The following SLC25A38 variants were observed in gnomAD, a reference collection of about 807,000 sequenced individuals.
The protein encoded by SLC25A38 is mitochondrial glycine transporter.
In SLC25A38, 27 loss-of-function variants were observed where a neutral mutation model predicts 33.4. The observed-to-expected ratio is 0.81, with a 90% CI of 0.60 to 1.11. The LOEUF (loss-of-function observed/expected upper bound fraction) is 1.11, where lower values mean the gene tolerates loss of function less well. SLC25A38 is among the 50% of genes most tolerant of loss of function. The pLI is 0.00. For missense variants in SLC25A38, 344 were observed against 388.8 expected, an observed-to-expected ratio of 0.88 and a Z score of 0.97; for synonymous variants, 123 against 145.9, an observed-to-expected ratio of 0.84 and a Z score of 1.13.
chr3:39,388,112 G>A (rs906383357), intron 1 of SLC25A38, among the ~76,000 whole-genome samples: 1 of 152,154 alleles, frequency 6.6e-6, no homozygotes, highest in Non-Finnish European at 1.5e-5. Flanking sequence ...AAGAAGGGGG[G>A]CTCATTAATG....
chr3:39,386,825 A>T (rs1378662537), intron 1 of SLC25A38, among the ~76,000 whole-genome samples: 1 of 152,200 alleles, frequency 6.6e-6, no homozygotes, highest in Non-Finnish European at 1.5e-5. Context: ...CATGGCATTC[A>T]CTGGGATGGG....
intron 2 of SLC25A38, 143 bp from the exon 3 acceptor site, chr3:39,390,280 A>C: frequency 3.6e-6 from 3 of 830,590 alleles, no homozygotes; most frequent in Non-Finnish European, 4.1e-6. Context: ...ACGAACACAT[A>C]GAGTATCTCC....
chr3:39,384,565 A>C, intron 1 of SLC25A38: 1 of 389,890 alleles, frequency 2.6e-6, no homozygotes, highest in East Asian at 3.7e-5. Flanking sequence ...CTTTACGTTG[A>C]CGTCTTTGAA....
In SLC25A38 at chr3:39,389,726, C is replaced by G; in HGVS notation, c.191+110C>G. ...TCTGTTGGATGTTCAGAGAGAAACACAGGCCATGCCCAACTTTCATATGTT... is the reference window on the plus strand; with the variant it reads ...TCTGTTGGATGTTCAGAGAGAAACAGAGGCCATGCCCAACTTTCATATGTT... On this transcript the variant is annotated intron_variant, in intron 2 of 6. Transcript: ENST00000650617. The surrounding 1 kb of genome is among the most constrained non-coding windows in gnomAD (Gnocchi z 4.5). 6.5e-7 allele frequency: 1 copy of G among 1,548,120 alleles called. No individual in the cohort carries two copies.
At chr3:39,390,566 C>G in intron 3 of SLC25A38, 59 bp downstream of exon 3, 1 of 1,518,698 alleles carries the variant, frequency 6.6e-7, no homozygotes, top group Non-Finnish European at 9.1e-7. Flanking sequence ...CCAGCTATTT[C>G]TCATCTACCT....
intron 1 of SLC25A38, chr3:39,384,619 A>G (rs1421306164): frequency 7.5e-6 from 3 of 397,718 alleles, no homozygotes; most frequent in Non-Finnish European, 1.3e-5. Flanking sequence ...TCGCCTCCAG[A>G]TGTGAATTGG....
chr3:39,396,730 C>A lies in SLC25A38; in HGVS notation c.*210C>A. On this transcript the variant is annotated 3_prime_UTR_variant, in exon 7 of 7. Coordinates refer to ENST00000650617, the MANE Select transcript of SLC25A38 (RefSeq NM_017875.4). ...ATCTCCAAAAGAGGAGTCATCAATT[C>A]ATAGAGCACACTAGGGTGTTAGGAG... The A allele has an allele frequency of 1.4e-6, 1 of 721,362 alleles. No individual in the cohort carries two copies. Among genetic ancestry groups the A allele is most frequent in the Non-Finnish European group, 2.3e-6 (1 of 429,232 alleles). 44.7% of individuals were successfully genotyped at this position (721,362 alleles called of 1,614,324 possible). A position where few individuals can be genotyped will look rare whatever the true frequency, so the allele number is the denominator to read the frequency against.
At position 39,389,315 on chromosome 3, in the gene SLC25A38, A is replaced by G; in HGVS notation, c.70-180A>G. ...CTTGCAGCATCCAATGTCCTCAATAACATTGCAGTATTTTTAATTTCTGGC... is the reference window on the plus strand; with the variant it reads ...CTTGCAGCATCCAATGTCCTCAATAGCATTGCAGTATTTTTAATTTCTGGC... On this transcript the variant is annotated intron_variant, in intron 1 of 6. Transcript: ENST00000650617. The surrounding 1 kb of genome is among the most constrained non-coding windows in gnomAD (Gnocchi z 4.5). 1.1e-6 allele frequency: 1 copy of G among 916,192 alleles called. No homozygotes were observed. Among genetic ancestry groups the G allele is most frequent in the Non-Finnish European group, 1.7e-6 (1 of 574,860 alleles). The allele number at this position is 916,192 out of a possible 1,614,324, so 56.8% of individuals were successfully genotyped here.
Position 39,396,798 on chromosome 3 carries a change from C to T in SLC25A38, c.*278C>T, listed in dbSNP as rs2041835809. The T allele has an allele frequency of 6.5e-6, 3 of 461,248 alleles. No individual in the cohort carries two copies. Among genetic ancestry groups the T allele is most frequent in the Non-Finnish European group, 1.2e-5 (3 of 251,436 alleles). 28.6% of individuals were successfully genotyped at this position (461,248 alleles called of 1,614,324 possible). A position where few individuals can be genotyped will look rare whatever the true frequency, so the allele number is the denominator to read the frequency against. ...GAGAGGCTACTTGGAAAGGCATTTT[C>T]CCAGGAGAGCTCTGTCAGGTGGCTG... is the stretch of plus-strand genomic sequence containing the variant. On this transcript the variant is annotated 3_prime_UTR_variant, in exon 7 of 7. Coordinates refer to ENST00000650617, the MANE Select transcript of SLC25A38 (RefSeq NM_017875.4).
intron 5 of SLC25A38, among the ~76,000 whole-genome samples, chr3:39,393,962 G>C (rs1039326453): frequency 3.3e-5 from 5 of 152,168 alleles, no homozygotes; most frequent in Admixed American, 1.3e-4. Context: ...AAGTGATGTT[G>C]TATCCTCACT....
rs79546572 is a variant in SLC25A38, at chr3:39,386,153, G to A, written c.69+2360G>A. Among the ~76,000 whole-genome samples, 1,386 of 152,214 alleles carry A rather than the reference G, an allele frequency of 9.1e-3. 26 individuals are homozygous for A. Among genetic ancestry groups the A allele is most frequent in the African/African-American group, 0.031 (1,272 of 41,518 alleles). ...ATACTCTGTAGCTCCTAATACATTT[G>A]TCATTACTTGTATTTTTATTCCATC... On this transcript the variant is annotated intron_variant, in intron 1 of 6. Transcript: ENST00000650617.
chr3:39,389,762 T>C lies in SLC25A38; in HGVS notation c.191+146T>C. ...CAACTTTCATATGTTCTCTGAATTGTTTTTATATTTGACATTTCTTTTTAA... is the reference window on the plus strand; with the variant it reads ...CAACTTTCATATGTTCTCTGAATTGCTTTTATATTTGACATTTCTTTTTAA... On this transcript the variant is annotated intron_variant, in intron 2 of 6. Transcript: ENST00000650617. This position sits in a 1 kb window ranked among gnomAD's most constrained non-coding sequence, Gnocchi z 4.5. The C allele has an allele frequency of 8.8e-6, 12 of 1,369,564 alleles. No homozygotes were observed. The highest frequency in any genetic ancestry group is 1.0e-5 in the Non-Finnish European group (10 of 980,626). 84.8% of individuals were successfully genotyped at this position (1,369,564 alleles called of 1,614,324 possible). A position where few individuals can be genotyped will look rare whatever the true frequency, so the allele number is the denominator to read the frequency against.
Position 39,390,433 on chromosome 3 carries a change from G to A in SLC25A38, c.202G>A (p.Val68Ile), listed in dbSNP as rs776326459. 10 of 1,614,094 alleles carry A rather than the reference G, an allele frequency of 6.2e-6. No homozygotes were observed. The East Asian group carries it at 2.0e-4, about 32-fold the overall frequency. Residue 68 changes from valine to isoleucine, a missense_variant, in exon 3 of 7, where the codon GTT becomes ATT. Coordinates refer to ENST00000650617, the MANE Select transcript of SLC25A38 (RefSeq NM_017875.4). ...LQPSDHGSRR[V>I]GMLAVLLKVV... ...TTTGTCTGCTTTCAGGTCTAGACGT[G>A]TTGGGATGTTGGCTGTACTCTTGAA...
chr3:39,394,374 G>T (rs870843), intron 5 of SLC25A38, 36 bp from the exon 6 acceptor site: 1 of 1,611,216 alleles, frequency 6.2e-7, no homozygotes, highest in Non-Finnish European at 8.5e-7. Flanking sequence ...ATTAATATAA[G>T]ATCTATGTCC....
chr3:39,393,299 A>C (rs1410626928), intron 5 of SLC25A38, among the ~76,000 whole-genome samples: 1 of 152,200 alleles, frequency 6.6e-6, no homozygotes, highest in East Asian at 1.9e-4. Flanking sequence ...GTCTCAAAAA[A>C]AAAAATCGAT....
intron 5 of SLC25A38, among the ~76,000 whole-genome samples, chr3:39,392,537 G>A (rs918425867): frequency 6.6e-6 from 1 of 152,004 alleles, no homozygotes; most frequent in Non-Finnish European, 1.5e-5. Flanking sequence ...CATTTAGGTG[G>A]AGATGAAGGT....
rs1697640071 is a variant in SLC25A38, at chr3:39,390,474, G to C, written c.243G>C (p.Glu81Asp). The C allele has an allele frequency of 1.2e-6, 2 of 1,614,074 alleles. No individual in the cohort carries two copies. Among genetic ancestry groups the C allele is most frequent in the African/African-American group, 1.3e-5 (1 of 74,928 alleles). The change falls in exon 3 of 7, where the codon GAG becomes GAC. Residue 81 changes from glutamate to aspartate, a missense_variant. This residue lies in a region of SLC25A38 where 269 missense variants were observed against 271.8 expected (regional missense o/e 0.99). Transcript: ENST00000650617. The part of the protein sequence containing the change: ...LAVLLKVVRT[E>D]SLLGLWKGMS... ...TACTCTTGAAGGTGGTTCGCACGGAGAGTCTTTTGGGCCTTTGGAAAGGGA... is the reference window on the plus strand; with the variant it reads ...TACTCTTGAAGGTGGTTCGCACGGACAGTCTTTTGGGCCTTTGGAAAGGGA...
intron 6 of SLC25A38, among the ~76,000 whole-genome samples, chr3:39,395,099 A>C (rs925122976): frequency 1.3e-5 from 2 of 152,226 alleles, no homozygotes; most frequent in Non-Finnish European, 2.9e-5. Context: ...ACTAACACTA[A>C]TGATAGCTGA....
Position 39,383,642 on chromosome 3 carries a change from G to C in SLC25A38, c.-83G>C. 1 of 1,527,702 alleles carries C rather than the reference G, an allele frequency of 6.5e-7. No homozygotes were observed. Among genetic ancestry groups the C allele is most frequent in the South Asian group, 1.1e-5 (1 of 88,802 alleles). 94.6% of individuals were successfully genotyped at this position (1,527,702 alleles called of 1,614,324 possible). A position where few individuals can be genotyped will look rare whatever the true frequency, so the allele number is the denominator to read the frequency against. Reference sequence around the variant, plus strand: ...GTCGCCTGGCTAGCGCCACCCCCTAGCCTTCTTCAAGGCCTCCAGGGCTGG... The same window carrying C: ...GTCGCCTGGCTAGCGCCACCCCCTACCCTTCTTCAAGGCCTCCAGGGCTGG... On this transcript the variant is annotated 5_prime_UTR_variant, in exon 1 of 7. Coordinates refer to ENST00000650617, the MANE Select transcript of SLC25A38 (RefSeq NM_017875.4).
Sources: gnomAD v4.1 joint callset for allele counts (sites outside exome capture counted in the v4.1 genomes callset) on GRCh38, gnomAD v4.1.1 for gene constraint, gnomAD v4.1.1 regional missense constraint, Gnocchi (gnomAD v3.1) non-coding constraint, MANE v1.5 for transcripts, NCBI Gene and HGNC (gene_info 2026-07-23, HGNC 2026-07-21) for gene names.